Variants in ASIC2 observed in about 807,000 individuals in gnomAD.
The protein encoded by ASIC2 is acid sensing ion channel subunit 2, also known as acid-sensing ion channel 2.
Under a neutral mutation model 57.3 loss-of-function variants are expected in ASIC2, and 25 were observed. That is an observed-to-expected ratio of 0.44 (90% CI 0.32 to 0.61). The LOEUF (loss-of-function observed/expected upper bound fraction) is 0.61, where lower values mean the gene tolerates loss of function less well. ASIC2 is among the 20% of genes least tolerant of loss of function. The probability of loss-of-function intolerance (pLI) is 0.06; values close to 1 mark genes in which losing one functional copy is unlikely to be tolerated. For missense variants in ASIC2, 641 were observed against 738.1 expected (o/e 0.87, Z 1.52); for synonymous variants, 319 against 307.5 (o/e 1.04, Z -0.39).
At chr17:33,185,976 C>G (rs1278295331) in intron 1 of ASIC2, among the ~76,000 whole-genome samples, 1 of 152,170 alleles carries the variant, frequency 6.6e-6, no homozygotes, top group Non-Finnish European at 1.5e-5. Context: ...CAGAGGTCAG[C>G]AAACATTTTC....
At chr17:33,085,010 G>A (rs765489369) in intron 3 of ASIC2, among the ~76,000 whole-genome samples, 12 of 152,174 alleles carry the variant, frequency 7.9e-5, no homozygotes, top group Non-Finnish European at 1.5e-4. Flanking sequence ...GCATGGGTGA[G>A]ATAATTTTCA....
At chr17:33,577,510 G>A (rs986046123) in intron 1 of ASIC2, among the ~76,000 whole-genome samples, 4 of 152,110 alleles carry the variant, frequency 2.6e-5, no homozygotes, top group African/African-American at 9.7e-5. Context: ...TCTAGACCCA[G>A]TGCTTCCCAA....
At chr17:33,387,584 C>G (rs756842655) in intron 1 of ASIC2, among the ~76,000 whole-genome samples, 2 of 152,354 alleles carry the variant, frequency 1.3e-5, no homozygotes, top group Non-Finnish European at 2.9e-5. Context: ...TCCCACTTTC[C>G]GCTGCCCCGA....
intron 1 of ASIC2, among the ~76,000 whole-genome samples, chr17:33,185,419 A>C (rs1906153273): frequency 6.6e-6 from 1 of 152,140 alleles, no homozygotes; most frequent in South Asian, 2.1e-4. Context: ...CACATAAGAA[A>C]CCTAACATGT....
chr17:33,565,259 G>A (rs771103450), intron 1 of ASIC2, among the ~76,000 whole-genome samples: 1 of 152,176 alleles, frequency 6.6e-6, no homozygotes, highest in Non-Finnish European at 1.5e-5. Flanking sequence ...TCTGTCGGCT[G>A]GGAACTTCTA....
intron 1 of ASIC2, among the ~76,000 whole-genome samples, chr17:33,912,161 A>G (rs1203033564): frequency 8.2e-6 from 1 of 121,756 alleles, no homozygotes; most frequent in Non-Finnish European, 1.7e-5. Flanking sequence ...AAAAAAAAAA[A>G]GCTGTGAATC....
At chr17:33,800,593 CAT>C (rs1023024133) in intron 1 of ASIC2, among the ~76,000 whole-genome samples, 1 of 152,130 alleles carries the variant, frequency 6.6e-6, no homozygotes, top group Non-Finnish European at 1.5e-5. Context: ...AGTTGTTAAA[CAT>C]GTAAATTCCA....
chr17:33,573,694 T>A (rs571201578), intron 1 of ASIC2, among the ~76,000 whole-genome samples: 5 of 152,274 alleles, frequency 3.3e-5, no homozygotes, highest in African/African-American at 1.2e-4. Flanking sequence ...GCCTCCTGAG[T>A]AGCTGGGACT....
At chr17:33,824,599 C>G (rs1050171197) in intron 1 of ASIC2, among the ~76,000 whole-genome samples, 1 of 152,100 alleles carries the variant, frequency 6.6e-6, no homozygotes, top group Non-Finnish European at 1.5e-5. Context: ...CTGTAGTTCC[C>G]CATTGGTAGA....
intron 1 of ASIC2, among the ~76,000 whole-genome samples, chr17:33,341,328 C>G (rs963550574): frequency 6.6e-6 from 1 of 152,216 alleles, no homozygotes; most frequent in African/African-American, 2.4e-5. Flanking sequence ...AGAAACTCTT[C>G]TTAGAATTGG....
chr17:33,941,284 C>T (rs1417673159), intron 1 of ASIC2, among the ~76,000 whole-genome samples: 1 of 152,194 alleles, frequency 6.6e-6, no homozygotes, highest in Non-Finnish European at 1.5e-5. Context: ...GATCATCCCT[C>T]TCCCAGACGC....
intron 1 of ASIC2, among the ~76,000 whole-genome samples, chr17:33,499,514 T>C (rs146985405): frequency 4.3e-4 from 66 of 152,296 alleles, no homozygotes; most frequent in African/African-American, 1.5e-3. Context: ...GAGGGAGGCA[T>C]GGAAAATATT....
chr17:33,656,488 G>T (rs1454631890), intron 1 of ASIC2, among the ~76,000 whole-genome samples: 2 of 152,164 alleles, frequency 1.3e-5, no homozygotes, highest in African/African-American at 4.8e-5. Flanking sequence ...AAGCATGTCT[G>T]CCAGGGTCCC....
intron 3 of ASIC2, among the ~76,000 whole-genome samples, chr17:33,054,342 C>T (rs991513677): frequency 3.3e-5 from 5 of 152,180 alleles, no homozygotes; most frequent in African/African-American, 1.2e-4. Flanking sequence ...CGCTGCCAAA[C>T]CAGTTACCAA....
At chr17:34,126,460 C>T (rs572125806) in intron 1 of ASIC2, among the ~76,000 whole-genome samples, 82 of 152,316 alleles carry the variant, frequency 5.4e-4, no homozygotes, top group African/African-American at 1.9e-3. Context: ...GCCTTTCCTG[C>T]ATGGGGCTGT....
chr17:34,152,372 T>C (rs575189759), intron 1 of ASIC2, among the ~76,000 whole-genome samples: 1 of 152,268 alleles, frequency 6.6e-6, no homozygotes, highest in Non-Finnish European at 1.5e-5. Flanking sequence ...AAAATAACCA[T>C]GTCCTGGACA....
chr17:33,367,716 G>GATCTTTA (rs1908870991), intron 1 of ASIC2, among the ~76,000 whole-genome samples: 3 of 152,114 alleles, frequency 2.0e-5, no homozygotes, highest in Non-Finnish European at 2.9e-5. Context: ...AAAAACTCAG[G>GATCTTTA]GCAATTGATA....
chr17:34,013,473 G>A (rs1054122173), intron 1 of ASIC2, among the ~76,000 whole-genome samples: 5 of 152,206 alleles, frequency 3.3e-5, no homozygotes, highest in African/African-American at 1.2e-4. Flanking sequence ...GAGGAGAGAG[G>A]TTGTGTCTGT....
At chr17:33,187,546 A>G (rs1906244822) in intron 1 of ASIC2, among the ~76,000 whole-genome samples, 1 of 152,166 alleles carries the variant, frequency 6.6e-6, no homozygotes, top group African/African-American at 2.4e-5. Flanking sequence ...TAATGATTTA[A>G]AATTCACAGT....
Sources: allele counts gnomAD v4.1 joint callset (sites outside exome capture counted in the v4.1 genomes callset), GRCh38; gene constraint gnomAD v4.1.1; transcripts MANE v1.5; gene names NCBI Gene and HGNC (gene_info 2026-07-23, HGNC 2026-07-21).